Variants in NCKAP5 observed in about 807,000 individuals in gnomAD.
NCKAP5 encodes the protein nck-associated protein 5.
Under a neutral mutation model 167.0 loss-of-function variants are expected in NCKAP5, and 92 were observed. That is an observed-to-expected ratio of 0.55 (90% confidence interval 0.47 to 0.66). The LOEUF (loss-of-function observed/expected upper bound fraction) is 0.66, where lower values mean the gene tolerates loss of function less well. NCKAP5 is among the 30% of genes least tolerant of loss of function. NCKAP5 has a pLI of 0.00. For synonymous variants in NCKAP5, 891 were observed against 877.4 expected (o/e 1.02, Z -0.27); for missense variants, 2,378 against 2,315.0 (o/e 1.03, Z -0.56).
At chr2:133,517,093 T>C (rs1350018028) in intron 3 of NCKAP5, among the ~76,000 whole-genome samples, 1 of 152,230 alleles carries the variant, frequency 6.6e-6, no homozygotes, top group African/African-American at 2.4e-5. Context: ...TGAATTCTTG[T>C]TCAACTTACC....
At chr2:132,946,445 T>C (rs773267066) in intron 8 of NCKAP5, among the ~76,000 whole-genome samples, 3 of 152,166 alleles carry the variant, frequency 2.0e-5, no homozygotes, top group Non-Finnish European at 4.4e-5. Context: ...ACAGCGGCCC[T>C]CAAAAAACTA....
At position 133,466,485 on chromosome 2, in the gene NCKAP5, C is replaced by T. The variant is rs367658248; in HGVS notation, c.69+50973G>A. On this transcript the variant is annotated intron_variant, in intron 3 of 19. Transcript: ENST00000409261. The stretch of plus-strand genomic sequence containing the variant: ...TTCTTTTGGCTTAGGATTGACTTGG[C>T]GATGCGGGCTCTTTTTTGGTTCCAT... Among the ~76,000 whole-genome samples, 651 of 147,232 alleles carry T rather than the reference C, an allele frequency of 4.4e-3. 9 individuals carry two copies. The East Asian group carries it at 0.059, about 13-fold the overall frequency.
intron 8 of NCKAP5, among the ~76,000 whole-genome samples, chr2:132,906,413 G>A (rs1694013482): frequency 6.6e-6 from 1 of 152,148 alleles, no homozygotes; most frequent in Admixed American, 6.6e-5. Context: ...AAAGAGAGAG[G>A]CATTTTTGGA....
chr2:133,051,095 C>T (rs991424059), intron 6 of NCKAP5, among the ~76,000 whole-genome samples: 6 of 152,026 alleles, frequency 3.9e-5, no homozygotes, highest in Non-Finnish European at 7.4e-5. Context: ...ATGGGTTGTT[C>T]AAGATCAGAT....
At chr2:132,895,346 C>CAAA (rs563409400) in intron 8 of NCKAP5, among the ~76,000 whole-genome samples, 4 of 71,870 alleles carry the variant, frequency 5.6e-5, no homozygotes, top group East Asian at 3.8e-4. Context: ...GACTCTGTCT[C>CAAA]AAAAAAAAAA....
At chr2:133,497,870 A>G (rs1682076665) in intron 3 of NCKAP5, among the ~76,000 whole-genome samples, 1 of 152,192 alleles carries the variant, frequency 6.6e-6, no homozygotes, top group African/African-American at 2.4e-5. Flanking sequence ...ATGCAGAAAA[A>G]ACTACTGGGG....
intron 4 of NCKAP5, among the ~76,000 whole-genome samples, chr2:133,282,659 G>A (rs1433125002): frequency 6.6e-6 from 1 of 152,064 alleles, no homozygotes; most frequent in Non-Finnish European, 1.5e-5. Flanking sequence ...TGCATATTTG[G>A]GTAATACGGT....
chr2:133,531,643 T>C (rs1685372852), intron 2 of NCKAP5, among the ~76,000 whole-genome samples: 1 of 152,216 alleles, frequency 6.6e-6, no homozygotes, highest in South Asian at 2.1e-4. Context: ...AAACTTTTGC[T>C]CCTGACTTCA....
At chr2:133,285,946 AG>A (rs1679087714) in intron 4 of NCKAP5, among the ~76,000 whole-genome samples, 1 of 152,112 alleles carries the variant, frequency 6.6e-6, no homozygotes, top group South Asian at 2.1e-4. Context: ...TTCTAATAAA[AG>A]GTCAGGAATT....
chr2:132,689,131 C>A (rs920251004), intron 19 of NCKAP5, among the ~76,000 whole-genome samples: 1 of 152,002 alleles, frequency 6.6e-6, no homozygotes, highest in Non-Finnish European at 1.5e-5. Context: ...GGGAAATAAC[C>A]AGAAGGGCAT....
At chr2:132,934,533 T>C (rs1220030416) in intron 8 of NCKAP5, among the ~76,000 whole-genome samples, 2 of 152,004 alleles carry the variant, frequency 1.3e-5, no homozygotes, top group African/African-American at 2.4e-5. Flanking sequence ...GATCACGTCA[T>C]TGCACTCCAG....
rs971408151 is a variant in NCKAP5 at position 133,079,802 on chromosome 2, T to C, written c.341+50176A>G. 2.2e-4 allele frequency among the ~76,000 whole-genome samples: 34 copies of C among 152,176 alleles called. 1 individual carries two copies. Among genetic ancestry groups the C allele is most frequent in the Admixed American group, 1.6e-3 (24 of 15,276 alleles). ...AAATTTTCACCTACCTTTTCACTTA[T>C]TACATTTGAATATCTTTCCATGTAT... On this transcript the variant is annotated intron_variant, in intron 6 of 19. Transcript: ENST00000409261.
At chr2:133,660,311 G>A in the NCKAP5 span, among the ~76,000 whole-genome samples, 1 of 152,018 alleles carries the variant, frequency 6.6e-6, no homozygotes, top group Non-Finnish European at 1.5e-5. Context: ...TATTTATGTA[G>A]ACTGAATTTA....
chr2:133,075,315 AGAGT>A lies in NCKAP5; in HGVS notation c.341+54659_341+54662del, dbSNP rs904811605. Reference sequence around the variant, plus strand: ...AATAAAGAGATTATCAAAAAAAGAGAGAGTAAGTTGGCGGCATGCCTGTTCTAAA... The same window carrying A: ...AATAAAGAGATTATCAAAAAAAGAGAAAGTTGGCGGCATGCCTGTTCTAAA... On this transcript the variant is annotated intron_variant, in intron 6 of 19. Transcript: ENST00000409261. Among the ~76,000 whole-genome samples the A allele has an allele frequency of 5.3e-5, 8 of 152,292 alleles. No homozygotes were observed. In the East Asian group the frequency reaches 1.5e-3, roughly 29 times the overall value.
intron 11 of NCKAP5, among the ~76,000 whole-genome samples, chr2:132,823,007 G>GA (rs1464771480): frequency 1.3e-5 from 2 of 152,030 alleles, no homozygotes; most frequent in East Asian, 1.9e-4. Context: ...CAAAGACAAT[G>GA]AAAAAATAAT....
chr2:133,221,419 G>A (rs2086659405), intron 4 of NCKAP5, among the ~76,000 whole-genome samples: 2 of 152,048 alleles, frequency 1.3e-5, no homozygotes, highest in South Asian at 4.1e-4. Flanking sequence ...AGAATATTTT[G>A]CTAACTGAAA....
chr2:133,355,935 T>TG (rs746116383), intron 3 of NCKAP5, among the ~76,000 whole-genome samples: 6 of 141,626 alleles, frequency 4.2e-5, no homozygotes, highest in Non-Finnish European at 7.9e-5. Context: ...TTTTGTTTTC[T>TG]GTTTTTTTTT....
chr2:133,039,307 G>A (rs542005184), intron 6 of NCKAP5, among the ~76,000 whole-genome samples: 1 of 152,252 alleles, frequency 6.6e-6, no homozygotes, highest in Non-Finnish European at 1.5e-5. Context: ...TTCAATAGTT[G>A]GCCATGGGAG....
chr2:133,491,500 C>A (rs1432923120), intron 3 of NCKAP5, among the ~76,000 whole-genome samples: 1 of 152,132 alleles, frequency 6.6e-6, no homozygotes, highest in Non-Finnish European at 1.5e-5. Flanking sequence ...CAAACGTAGG[C>A]TAGGGAAAGA....
Sources: allele counts gnomAD v4.1 joint callset (sites outside exome capture counted in the v4.1 genomes callset), GRCh38; gene constraint gnomAD v4.1.1; transcripts MANE v1.5; gene names NCBI Gene and HGNC (gene_info 2026-07-23, HGNC 2026-07-21).